The following FBLN2 variants were observed in gnomAD, a reference collection of about 807,000 sequenced individuals.
The protein encoded by FBLN2 is fibulin-2.
Under a neutral mutation model 123.7 loss-of-function variants are expected in FBLN2, and 81 were observed. The observed-to-expected ratio is 0.65, with a 90% CI of 0.55 to 0.79. The LOEUF is 0.79. FBLN2 is among the 30% of genes least tolerant of loss of function. The pLI, the probability that FBLN2 is intolerant of heterozygous loss-of-function variation, is 0.00. For missense variants in FBLN2, 1,603 were observed against 1,681.3 expected, an observed-to-expected ratio of 0.95 and a Z score of 0.81; for synonymous variants, 699 against 701.4, an observed-to-expected ratio of 1.00 and a Z score of 0.05.
chr3:13,571,408 T>C lies in FBLN2; in HGVS notation c.1053T>C (p.Thr351=). Residue 351 remains threonine (T), a synonymous_variant, in exon 2 of 18, where the codon ACT becomes ACC. Coordinates refer to ENST00000404922, the MANE Select transcript of FBLN2 (RefSeq NM_001004019.2). ...ATGCCCAAGCCACGTCCCGCAGCAC[T>C]GGGCCGGAGGGCGTGACGCATGCAC... is the stretch of plus-strand genomic sequence containing the variant. ...ILDAQATSRS[T]GPEGVTHAPS... is the part of the protein sequence containing the mutation. 1 of 1,613,094 alleles carries C rather than the reference T, an allele frequency of 6.2e-7. No homozygotes were observed. Among genetic ancestry groups the C allele is most frequent in the Non-Finnish European group, 8.5e-7 (1 of 1,179,636 alleles).
intron 2 of FBLN2, among the ~76,000 whole-genome samples, chr3:13,599,677 T>A (rs1194224834): frequency 6.6e-6 from 1 of 150,970 alleles, no homozygotes; most frequent in Non-Finnish European, 1.5e-5. Flanking sequence ...GAGGTGGCCC[T>A]GTGAGTGATA....
At position 13,628,997 on chromosome 3, in the gene FBLN2, C is replaced by G. The variant is rs1706150649; in HGVS notation, c.2662C>G (p.Leu888Val). 1.2e-6 allele frequency: 2 copies of G among 1,613,414 alleles called. No homozygotes were observed. Among genetic ancestry groups the G allele is most frequent in the Non-Finnish European group, 1.7e-6 (2 of 1,179,798 alleles). The change falls in exon 12 of 18, where the codon CTG (leucine) becomes GTG (valine). Residue 888 changes from leucine to valine, a missense_variant. Leu to Val is a conservative substitution (Grantham distance 32). Coordinates refer to ENST00000404922, the MANE Select transcript of FBLN2 (RefSeq NM_001004019.2). Reference protein sequence around the residue: ...VGSYTCQRNPLICARGYHASD... With the variant: ...VGSYTCQRNPVICARGYHASD... The stretch of plus-strand genomic sequence containing the variant: ...CTCCTACACATGCCAGAGGAACCCG[C>G]TGATCTGCGCGCGCGGCTACCACGC...
intron 1 of FBLN2, among the ~76,000 whole-genome samples, chr3:13,562,502 A>C (rs1703639843): frequency 6.6e-6 from 1 of 151,916 alleles, no homozygotes; most frequent in Non-Finnish European, 1.5e-5. Context: ...GATTATAGGT[A>C]TATGCCACCA....
chr3:13,567,898 C>T (rs557703223), intron 1 of FBLN2, among the ~76,000 whole-genome samples: 34 of 152,250 alleles, frequency 2.2e-4, no homozygotes, highest in Admixed American at 5.2e-4. Flanking sequence ...GTTGAGGCTG[C>T]GATGAGCTAT....
Position 13,608,176 on chromosome 3 carries a change from A to G in FBLN2, c.1418+3A>G, listed in dbSNP as rs1007579999. On this transcript the variant is annotated splice_donor_region_variant and intron_variant, in intron 3 of 17. Transcript: ENST00000404922. ...GGCACTGAGGACAACGTCTGCAGGTAGGGTGGGCTCCCTGGAGCAGGCGGA... is the reference window on the plus strand; with the variant it reads ...GGCACTGAGGACAACGTCTGCAGGTGGGGTGGGCTCCCTGGAGCAGGCGGA... 6.4e-7 allele frequency: 1 copy of G among 1,573,872 alleles called. No individual in the cohort carries two copies. The highest frequency in any genetic ancestry group is 8.6e-7 in the Non-Finnish European group (1 of 1,158,872).
chr3:13,590,248 A>G (rs938050861), intron 2 of FBLN2, among the ~76,000 whole-genome samples: 2 of 152,186 alleles, frequency 1.3e-5, no homozygotes, highest in African/African-American at 2.4e-5. Context: ...GCCTCAAGCA[A>G]TCCTCCTGCC....
rs539679259 is a variant in FBLN2 at position 13,621,474 on chromosome 3, C to A, written c.2156-301C>A. Among the ~76,000 whole-genome samples, 9 of 152,204 alleles carry A rather than the reference C, an allele frequency of 5.9e-5. No homozygotes were observed. The South Asian group carries it at 1.5e-3, about 25-fold the overall frequency. ...TCGGGGGCATGGTTCTCTTGGCGCC[C>A]GTGGATGTGGGAAGTATCGAGTGCG... is the stretch of plus-strand genomic sequence containing the variant. On this transcript the variant is annotated intron_variant, in intron 8 of 17. Coordinates refer to ENST00000404922, the MANE Select transcript of FBLN2 (RefSeq NM_001004019.2).
chr3:13,620,897 T>A (rs3773267), intron 8 of FBLN2, among the ~76,000 whole-genome samples: 1 of 152,118 alleles, frequency 6.6e-6, no homozygotes, highest in Non-Finnish European at 1.5e-5. Flanking sequence ...TTGCCCAGGG[T>A]ACATGACGTG....
chr3:13,573,775 C>T (rs566694450), intron 2 of FBLN2, among the ~76,000 whole-genome samples: 4 of 151,992 alleles, frequency 2.6e-5, no homozygotes, highest in African/African-American at 7.2e-5. Context: ...TGGTGGCAGG[C>T]GCCCGTAATC....
At chr3:13,566,452 C>T (rs1467592717) in intron 1 of FBLN2, 1 of 152,410 alleles carries the variant, frequency 6.6e-6, no homozygotes, top group Non-Finnish European at 1.5e-5. Flanking sequence ...CTGCCATCTC[C>T]TCCATGCCCC....
At chr3:13,598,523 A>G (rs1427328645) in intron 2 of FBLN2, among the ~76,000 whole-genome samples, 1 of 152,134 alleles carries the variant, frequency 6.6e-6, no homozygotes, top group Non-Finnish European at 1.5e-5. Flanking sequence ...CTTCCTTGTC[A>G]TTTCCCTAAG....
At position 13,630,810 on chromosome 3, in the gene FBLN2, G is replaced by A; in HGVS notation, c.3080G>A (p.Cys1027Tyr). 6.3e-7 allele frequency: 1 copy of A among 1,597,750 alleles called. No individual in the cohort carries two copies. ...CAGCTGGCTGAGGATGGGCACACCT[G>A]CACAGGTACCTCTCCCCTGTCCAAG... ...GYQLAEDGHT[C>Y]TDIDECAQGA... is the part of the protein sequence containing the mutation. Residue 1027 changes from cysteine (C) to tyrosine (Y), a missense_variant, in exon 15 of 18, where the codon TGC (cysteine) becomes TAC (tyrosine). Transcript: ENST00000404922.
chr3:13,589,303 A>G (rs1002047769), intron 2 of FBLN2, among the ~76,000 whole-genome samples: 2 of 152,190 alleles, frequency 1.3e-5, no homozygotes, highest in African/African-American at 2.4e-5. Context: ...AGGCTTGTCC[A>G]TGGGTCCTCT....
At chr3:13,583,377 G>A (rs888910072) in intron 2 of FBLN2, among the ~76,000 whole-genome samples, 1 of 152,284 alleles carries the variant, frequency 6.6e-6, no homozygotes, top group African/African-American at 2.4e-5. Context: ...ATTGTCCATG[G>A]TTCCTGAAAC....
chr3:13,562,895 G>A (rs912605918), intron 1 of FBLN2, among the ~76,000 whole-genome samples: 2 of 152,152 alleles, frequency 1.3e-5, no homozygotes, highest in Non-Finnish European at 2.9e-5. Context: ...TTTGTCCTTT[G>A]GTGTCTGGCT....
chr3:13,570,759 G>A lies in FBLN2; in HGVS notation c.404G>A (p.Gly135Asp). 1.9e-6 allele frequency: 3 copies of A among 1,601,584 alleles called. No individual in the cohort carries two copies. The highest frequency in any genetic ancestry group is 2.2e-5 in the South Asian group (2 of 89,750). Reference sequence around the variant, plus strand: ...GTGGCTGACAGCTGCCCACAGTGCGGCCAGGTGGGCTGCGTCCACGCGGGC... The same window carrying A: ...GTGGCTGACAGCTGCCCACAGTGCGACCAGGTGGGCTGCGTCCACGCGGGC... The part of the protein sequence containing the change: ...VVVADSCPQC[G>D]QVGCVHAGHK... The change falls in exon 2 of 18, where the codon GGC becomes GAC. Residue 135 changes from glycine (G) to aspartate (D), a missense_variant. Coordinates refer to ENST00000404922, the MANE Select transcript of FBLN2 (RefSeq NM_001004019.2).
intron 9 of FBLN2, among the ~76,000 whole-genome samples, chr3:13,625,388 CCT>C (rs1706001908): frequency 6.6e-6 from 1 of 152,164 alleles, no homozygotes; most frequent in Non-Finnish European, 1.5e-5. Flanking sequence ...TGGTCCTTGG[CCT>C]CCTCTCCGTG....
At chr3:13,556,348 G>A (rs1559396817) in intron 1 of FBLN2, among the ~76,000 whole-genome samples, 1 of 145,952 alleles carries the variant, frequency 6.9e-6, no homozygotes, top group Non-Finnish European at 1.5e-5. Context: ...GAGAGAGAGA[G>A]AGAAGGGAAG....
intron 2 of FBLN2, among the ~76,000 whole-genome samples, chr3:13,590,043 C>A (rs1444321652): frequency 6.6e-6 from 1 of 152,204 alleles, no homozygotes. Flanking sequence ...TAAACCCAGG[C>A]ATTCCACAGT....
Sources: allele counts gnomAD v4.1 joint callset (sites outside exome capture counted in the v4.1 genomes callset), GRCh38; gene constraint gnomAD v4.1.1; transcripts MANE v1.5; gene names NCBI Gene and HGNC (gene_info 2026-07-23, HGNC 2026-07-21).